TENM2: variants seen among roughly 807,000 people sequenced by gnomAD.
TENM2 encodes teneurin transmembrane protein 2.
Under a neutral mutation model 245.2 loss-of-function variants are expected in TENM2, and 52 were observed. The observed-to-expected ratio is 0.21, with a 90% CI of 0.17 to 0.27. The LOEUF is 0.27. TENM2 is among the 10% of genes least tolerant of loss of function. The probability of loss-of-function intolerance (pLI) is 1.00; values close to 1 mark genes in which losing one functional copy is unlikely to be tolerated. For missense variants in TENM2, 3,046 were observed against 3,666.8 expected (o/e 0.83, Z 4.37); for synonymous variants, 1,363 against 1,438.9 (o/e 0.95, Z 1.19).
At chr5:167,097,394 A>G in the TENM2 span, among the ~76,000 whole-genome samples, 3 of 152,160 alleles carry the variant, frequency 2.0e-5, no homozygotes, top group African/African-American at 7.2e-5. Flanking sequence ...TTAATGTAGC[A>G]TGCTGTTAAT....
At chr5:168,021,620 A>G (rs1289337058) in intron 5 of TENM2, among the ~76,000 whole-genome samples, 1 of 152,182 alleles carries the variant, frequency 6.6e-6, no homozygotes, top group Non-Finnish European at 1.5e-5. Flanking sequence ...AATCTACAGA[A>G]CTCACACTCA....
chr5:167,440,105 T>A (rs990017579), intron 2 of TENM2, among the ~76,000 whole-genome samples: 1 of 152,206 alleles, frequency 6.6e-6, no homozygotes, highest in African/African-American at 2.4e-5. Flanking sequence ...TAAAATGGTC[T>A]ATCCAGCCCT....
At chr5:168,113,643 C>G (rs925600694) in intron 9 of TENM2, among the ~76,000 whole-genome samples, 4 of 152,100 alleles carry the variant, frequency 2.6e-5, no homozygotes, top group African/African-American at 9.7e-5. Flanking sequence ...GGAGCTTCAG[C>G]TGGATCATTA....
At chr5:167,649,485 T>G (rs768878136) in intron 2 of TENM2, among the ~76,000 whole-genome samples, 40 of 152,156 alleles carry the variant, frequency 2.6e-4, no homozygotes, top group Non-Finnish European at 2.6e-4. Flanking sequence ...ACCACAGGGC[T>G]GACAAAGAGA....
At chr5:167,881,801 T>C (rs1382190962) in intron 3 of TENM2, among the ~76,000 whole-genome samples, 1 of 152,210 alleles carries the variant, frequency 6.6e-6, no homozygotes, top group Non-Finnish European at 1.5e-5. Context: ...GCCATCCCTC[T>C]TGCCCCAAAT....
intron 2 of TENM2, among the ~76,000 whole-genome samples, chr5:167,612,207 G>A (rs1001064735): frequency 7.9e-5 from 12 of 152,020 alleles, no homozygotes; most frequent in African/African-American, 2.9e-4. Flanking sequence ...AGCACAATGT[G>A]TCCTAAATAG....
intron 2 of TENM2, among the ~76,000 whole-genome samples, chr5:167,733,905 T>C (rs1004092307): frequency 6.6e-6 from 1 of 152,142 alleles, no homozygotes; most frequent in Admixed American, 6.5e-5. Flanking sequence ...ATCATCTTTC[T>C]CTCCACATTG....
chr5:167,091,108 G>GT, the TENM2 span, among the ~76,000 whole-genome samples: 21 of 151,802 alleles, frequency 1.4e-4, no homozygotes, highest in South Asian at 8.3e-4. Flanking sequence ...AGAAGCTGGG[G>GT]TTTTTTTTGT....
intron 2 of TENM2, among the ~76,000 whole-genome samples, chr5:167,445,336 T>TATAGAGAGAG (rs368881390): frequency 9.1e-4 from 70 of 77,284 alleles, no homozygotes; most frequent in African/African-American, 2.1e-3. Context: ...TATATATATA[T>TATAGAGAGAG]AGAGAGAGAG....
chr5:166,997,274 A>G, the TENM2 span, among the ~76,000 whole-genome samples: 1 of 152,230 alleles, frequency 6.6e-6, no homozygotes, highest in Admixed American at 6.5e-5. Context: ...ACTGATATTT[A>G]TTGATTAAAT....
exon 16 of TENM2, chr5:168,199,110 C>T: frequency 1.2e-6 from 2 of 1,609,444 alleles, no homozygotes; most frequent in Non-Finnish European, 1.7e-6. Context: ...GTGCCTGAGA[C>T]CCAGGTAGGA....
chr5:167,318,755 T>G lies in TENM2; in HGVS notation c.226+33692T>G, dbSNP rs141799112. Among the ~76,000 whole-genome samples, 210 of 152,328 alleles carry G rather than the reference T, an allele frequency of 1.4e-3. 3 individuals are homozygous for G. The highest frequency in any genetic ancestry group is 4.8e-3 in the African/African-American group (198 of 41,576). ...TGGCCAGTTAGAAATATAGGTTCCC[T>G]GCCATTTGCAATATCTCATGCCCCT... On this transcript the variant is annotated intron_variant, in intron 1 of 28. Transcript: ENST00000518659.
chr5:167,278,566 C>T, the TENM2 span, among the ~76,000 whole-genome samples: 5 of 152,160 alleles, frequency 3.3e-5, no homozygotes, highest in East Asian at 7.8e-4. Flanking sequence ...TCCAGTTTTA[C>T]TTACCTATAG....
At chr5:167,039,497 TC>T in the TENM2 span, among the ~76,000 whole-genome samples, 5 of 152,162 alleles carry the variant, frequency 3.3e-5, no homozygotes, top group South Asian at 8.3e-4. Flanking sequence ...TAGAAATAGT[TC>T]CAGTGGTAAC....
chr5:167,595,530 A>C (rs1363042568), intron 2 of TENM2, among the ~76,000 whole-genome samples: 1 of 152,258 alleles, frequency 6.6e-6, no homozygotes, highest in African/African-American at 2.4e-5. Flanking sequence ...TTTTCAATCC[A>C]ATTACTTTCT....
At chr5:167,311,027 A>G (rs1266972465) in intron 1 of TENM2, among the ~76,000 whole-genome samples, 2 of 152,198 alleles carry the variant, frequency 1.3e-5, no homozygotes, top group Non-Finnish European at 2.9e-5. Flanking sequence ...CTCAGTATTC[A>G]GAGCCTGTCC....
the TENM2 span, among the ~76,000 whole-genome samples, chr5:167,223,125 C>A: frequency 2.6e-5 from 4 of 151,948 alleles, no homozygotes; most frequent in East Asian, 7.7e-4. Flanking sequence ...AATGATCAAG[C>A]CCATGTACTT....
intron 2 of TENM2, among the ~76,000 whole-genome samples, chr5:167,639,736 A>T (rs981968437): frequency 1.2e-4 from 19 of 152,284 alleles, no homozygotes; most frequent in Admixed American, 1.2e-3. Context: ...TTGTTTTAAA[A>T]AAAACCCATC....
the TENM2 span, among the ~76,000 whole-genome samples, chr5:167,102,711 C>T: frequency 2.0e-5 from 3 of 152,288 alleles, no homozygotes; most frequent in Admixed American, 2.0e-4. Flanking sequence ...CAGGCTGGAG[C>T]GCAGTGGCGC....
Sources: allele counts gnomAD v4.1 joint callset (sites outside exome capture counted in the v4.1 genomes callset), GRCh38; gene constraint gnomAD v4.1.1; transcripts MANE v1.5; gene names NCBI Gene and HGNC (gene_info 2026-07-23, HGNC 2026-07-21).